PHF6: variants seen among roughly 807,000 people sequenced by gnomAD.
PHF6 encodes the protein PHD finger protein 6.
Under a neutral mutation model 34.0 loss-of-function variants are expected in PHF6, and 7 were observed. The observed-to-expected ratio is 0.21, with a 90% CI of 0.12 to 0.39. The LOEUF (loss-of-function observed/expected upper bound fraction) is 0.39. Ranked by LOEUF, PHF6 falls within the 10% of genes least tolerant of loss-of-function variation. The pLI is 1.00. For missense variants in PHF6, 128 were observed against 262.8 expected (o/e 0.49, Z 3.55); for synonymous variants, 89 against 88.4 (o/e 1.01, Z -0.04).
chrX:134,392,816 T>TC (rs1168338146), intron 3 of PHF6, among the ~76,000 whole-genome samples: 2 of 110,519 alleles, frequency 1.8e-5, no homozygotes, highest in Non-Finnish European at 3.8e-5. Flanking sequence ...TTTTTTTTTT[T>TC]TTAGACGGAG....
chrX:134,391,166 G>A (rs2077352535), intron 3 of PHF6, among the ~76,000 whole-genome samples: 1 of 109,591 alleles, frequency 9.1e-6, no homozygotes, highest in Non-Finnish European at 1.9e-5. Context: ...TTGAGATGGT[G>A]TTTCTCCATG....
chrX:134,403,160 G>A (rs1430462166), intron 5 of PHF6, among the ~76,000 whole-genome samples: 1 of 112,323 alleles, frequency 8.9e-6, no homozygotes, highest in East Asian at 2.8e-4. Context: ...AAGGCATGTC[G>A]AAAGCTGAGA....
At chrX:134,376,611 TTTC>T (rs1215539431) in intron 1 of PHF6, among the ~76,000 whole-genome samples, 2 of 111,885 alleles carry the variant, frequency 1.8e-5, no homozygotes, top group African/African-American at 3.2e-5. Context: ...CAGAAAAAAA[TTTC>T]TTCCTTTACA....
chrX:134,403,299 C>G (rs1320351517), intron 5 of PHF6, among the ~76,000 whole-genome samples: 1 of 111,867 alleles, frequency 8.9e-6, no homozygotes, highest in Non-Finnish European at 1.9e-5. Context: ...AGCCCTATTG[C>G]TGATATGGGG....
At chrX:134,415,285 T>C in intron 8 of PHF6, 165 bp downstream of exon 8, 2 of 844,243 alleles carry the variant, frequency 2.4e-6, no homozygotes, top group Non-Finnish European at 3.4e-6. Context: ...ATGCTGATGT[T>C]ACTGAAACTT....
intron 3 of PHF6, among the ~76,000 whole-genome samples, chrX:134,382,992 T>G (rs770177774): frequency 2.7e-5 from 3 of 110,705 alleles, no homozygotes; most frequent in Non-Finnish European, 3.8e-5. Context: ...CGTGTAATCC[T>G]AGTGCTTTGG....
chrX:134,415,245 A>T lies in PHF6; in HGVS notation c.834+125A>T, dbSNP rs774623696. 2.7e-6 allele frequency: 3 copies of T among 1,100,563 alleles called. No individual in the cohort carries two copies. In the African/African-American group the frequency reaches 5.5e-5, roughly 20 times the overall value. The allele number at this position is 1,100,563 out of a possible 1,213,427, so 90.7% of individuals were successfully genotyped here. The stretch of plus-strand genomic sequence containing the variant: ...TAGTTCGTATGTTAAAGCAAAGTAT[A>T]TATTTGACTTATTTGTAATATAATA... On this transcript the variant is annotated intron_variant, in intron 8 of 10. Coordinates refer to ENST00000370803, the MANE Select transcript of PHF6 (RefSeq NM_001015877.2).
chrX:134,405,220 TG>T (rs1302665518), intron 5 of PHF6, among the ~76,000 whole-genome samples: 70 of 111,657 alleles, frequency 6.3e-4, no homozygotes, highest in African/African-American at 2.1e-3. Context: ...ATTCTTTTTT[TG>T]TTTGTTTGTC....
intron 5 of PHF6, among the ~76,000 whole-genome samples, chrX:134,398,463 A>G (rs1263821937): frequency 8.9e-6 from 1 of 111,889 alleles, no homozygotes; most frequent in African/African-American, 3.2e-5. Context: ...CCACAATGGT[A>G]GGGATTTTGA....
intron 5 of PHF6, among the ~76,000 whole-genome samples, chrX:134,401,146 C>T (rs1044460503): frequency 9.0e-6 from 1 of 111,150 alleles, no homozygotes; most frequent in Admixed American, 9.6e-5. Flanking sequence ...AGAGTAATGC[C>T]CAACTTACCA....
chrX:134,375,269 A>G (rs2077273841), intron 1 of PHF6, among the ~76,000 whole-genome samples: 1 of 111,931 alleles, frequency 8.9e-6, no homozygotes, highest in Admixed American at 9.5e-5. Flanking sequence ...TACTTTACAA[A>G]TTAAATTTAA....
rs1312862309 is a variant in PHF6, at chrX:134,382,560, ATTC to A, written c.240+4460_240+4462del. Among the ~76,000 whole-genome samples the A allele has an allele frequency of 5.7e-3, 532 of 92,990 alleles. 2 individuals are homozygous for A. The highest frequency in any genetic ancestry group is 0.016 in the Middle Eastern group (3 of 183). 80.8% of individuals were successfully genotyped at this position (92,990 alleles called of 115,157 possible). On this transcript the variant is annotated intron_variant, in intron 3 of 10. Transcript: ENST00000370803. ...TATCTACTATCTACATTGGATAGCT[ATTC>A]TTCTTTTTTTTTTTTTTTTTTTAAG...
At chrX:134,415,278 C>A in intron 8 of PHF6, 158 bp downstream of exon 8, 1 of 879,809 alleles carries the variant, frequency 1.1e-6, no homozygotes, top group Non-Finnish European at 1.6e-6. Flanking sequence ...ATAAAGGATG[C>A]TGATGTTACT....
At chrX:134,405,217 TTTTG>T (rs750680005) in intron 5 of PHF6, among the ~76,000 whole-genome samples, 1 of 111,524 alleles carries the variant, frequency 9.0e-6, no homozygotes. Flanking sequence ...CATATTCTTT[TTTTG>T]TTTGTTTGTC....
chrX:134,401,034 C>G (rs764372071), intron 5 of PHF6, among the ~76,000 whole-genome samples: 7 of 111,695 alleles, frequency 6.3e-5, no homozygotes, highest in Admixed American at 9.5e-5. Flanking sequence ...AATGAAAGTA[C>G]TTAGGAAAAC....
intron 1 of PHF6, among the ~76,000 whole-genome samples, chrX:134,375,076 A>G (rs755503701): frequency 8.9e-5 from 10 of 111,995 alleles, no homozygotes; most frequent in Non-Finnish European, 1.7e-4. Flanking sequence ...TATGATAAAG[A>G]CATTTTTGCT....
chrX:134,394,982 A>G (rs1418907576), intron 5 of PHF6, among the ~76,000 whole-genome samples: 1 of 107,777 alleles, frequency 9.3e-6, no homozygotes, highest in East Asian at 2.9e-4. Flanking sequence ...CCTCCTGAGT[A>G]GCTGGGATTA....
At chrX:134,413,432 A>G in intron 5 of PHF6, 59 bp from the exon 6 acceptor site, 1 of 1,130,983 alleles carries the variant, frequency 8.8e-7, no homozygotes, top group Non-Finnish European at 1.2e-6. Context: ...CTAAAGACCC[A>G]TGAACTAATA....
At chrX:134,388,437 G>A (rs185662862) in intron 3 of PHF6, among the ~76,000 whole-genome samples, 4 of 111,390 alleles carry the variant, frequency 3.6e-5, no homozygotes, top group African/African-American at 6.5e-5. Flanking sequence ...ACAGGCTCAA[G>A]AACGTGACCT....
Sources: gnomAD v4.1 joint callset for allele counts (sites outside exome capture counted in the v4.1 genomes callset) on GRCh38, gnomAD v4.1.1 for gene constraint, MANE v1.5 for transcripts, NCBI Gene and HGNC (gene_info 2026-07-23, HGNC 2026-07-21) for gene names.